Variants in ADAMTS17 observed in about 807,000 individuals in gnomAD.
The protein encoded by ADAMTS17 is A disintegrin and metalloproteinase with thrombospondin motifs 17.
Under a neutral mutation model 141.5 loss-of-function variants are expected in ADAMTS17, and 113 were observed. The ratio of observed to expected loss-of-function variants is 0.80; its 90% CI spans 0.69 to 0.93. ADAMTS17 has a LOEUF of 0.93. Ranked by LOEUF, ADAMTS17 falls within the 40% of genes least tolerant of loss-of-function variation. ADAMTS17 has a pLI of 0.00. For missense variants in ADAMTS17, 1,659 were observed against 1,517.9 expected, an observed-to-expected ratio of 1.09 and a Z score of -1.54; for synonymous variants, 768 against 630.6, an observed-to-expected ratio of 1.22 and a Z score of -3.27.
intron 15 of ADAMTS17, among the ~76,000 whole-genome samples, chr15:100,065,314 T>C (rs1211523606): frequency 6.6e-6 from 1 of 152,200 alleles, no homozygotes; most frequent in Admixed American, 6.5e-5. Context: ...TAATTAGTTT[T>C]GCTAGGTAAT....
At position 100,049,094 on chromosome 15, in the gene ADAMTS17, C is replaced by T. The variant is rs73472491; in HGVS notation, c.2456-102G>A. The T allele has an allele frequency of 1.2e-3, 1,905 of 1,564,920 alleles. 32 individuals carry two copies. The African/African-American group carries it at 0.023, about 19-fold the overall frequency. On this transcript the variant is annotated intron_variant, in intron 17 of 21. Transcript: ENST00000268070. ...AGCATGTTTGGGTGCTGCTGATGGT[C>T]ACTTGGTCATTTAAAGTGACTGCTG...
intron 18 of ADAMTS17, 62 bp downstream of exon 18, chr15:100,048,795 C>A: frequency 1.2e-6 from 2 of 1,612,200 alleles, no homozygotes; most frequent in African/African-American, 1.3e-5. Flanking sequence ...TCACTCCCCA[C>A]CACTGATGGT....
chr15:100,119,133 C>G lies in ADAMTS17; in HGVS notation c.1722-2120G>C, dbSNP rs527542142. ...AGCCACCAGAAGCTGAGAGAGAGGCCTGGAACAGATTCTCCCTCACAGTGC... is the reference window on the plus strand; with the variant it reads ...AGCCACCAGAAGCTGAGAGAGAGGCGTGGAACAGATTCTCCCTCACAGTGC... On this transcript the variant is annotated intron_variant, in intron 12 of 21. Coordinates refer to ENST00000268070, the MANE Select transcript of ADAMTS17 (RefSeq NM_139057.4). Among the ~76,000 whole-genome samples the G allele has an allele frequency of 1.1e-4, 17 of 152,070 alleles. No individual in the cohort carries two copies. The South Asian group carries it at 2.9e-3, about 26-fold the overall frequency.
intron 3 of ADAMTS17, among the ~76,000 whole-genome samples, chr15:100,282,472 G>A (rs7180917): frequency 0.51 from 77,418 of 152,070 alleles, 20,144 homozygotes; most frequent in South Asian, 0.65. Flanking sequence ...TACCTACGAT[G>A]ACGTGTCATT....
intron 10 of ADAMTS17, among the ~76,000 whole-genome samples, chr15:100,142,255 C>A (rs983656547): frequency 3.3e-5 from 5 of 152,178 alleles, no homozygotes; most frequent in Non-Finnish European, 7.3e-5. Context: ...ATCTCTCTAG[C>A]CATCAGATGC....
intron 7 of ADAMTS17, among the ~76,000 whole-genome samples, chr15:100,241,394 T>G (rs2042823002): frequency 6.6e-6 from 1 of 152,340 alleles, no homozygotes; most frequent in African/African-American, 2.4e-5. Flanking sequence ...CTTCAACGCT[T>G]TGAGACCTCG....
chr15:100,274,874 AGTT>A (rs1354576832), intron 4 of ADAMTS17, among the ~76,000 whole-genome samples: 1 of 151,956 alleles, frequency 6.6e-6, no homozygotes, highest in Non-Finnish European at 1.5e-5. Flanking sequence ...TGTATTCTCT[AGTT>A]ATTTTCTTTG....
chr15:100,067,646 T>C (rs1472591621), intron 15 of ADAMTS17, among the ~76,000 whole-genome samples: 1 of 152,220 alleles, frequency 6.6e-6, no homozygotes, highest in Non-Finnish European at 1.5e-5. Context: ...AGCACTTATC[T>C]TTTATTTACC....
At chr15:100,001,552 G>A (rs1460423297) in intron 18 of ADAMTS17, among the ~76,000 whole-genome samples, 2 of 152,136 alleles carry the variant, frequency 1.3e-5, no homozygotes, top group African/African-American at 4.8e-5. Flanking sequence ...GTCAGGGTAG[G>A]TCCCTCAGCG....
intron 3 of ADAMTS17, among the ~76,000 whole-genome samples, chr15:100,294,474 C>T (rs1377602907): frequency 6.6e-6 from 1 of 152,064 alleles, no homozygotes; most frequent in Non-Finnish European, 1.5e-5. Flanking sequence ...GTGGCTCATA[C>T]CTGTAACCCC....
intron 6 of ADAMTS17, among the ~76,000 whole-genome samples, chr15:100,259,501 A>G (rs1346700109): frequency 1.3e-5 from 2 of 152,228 alleles, no homozygotes; most frequent in Non-Finnish European, 2.9e-5. Context: ...TGGAGTGGGC[A>G]AGTCCAGGTC....
At chr15:100,070,781 G>C (rs543494876) in intron 15 of ADAMTS17, among the ~76,000 whole-genome samples, 1 of 149,358 alleles carries the variant, frequency 6.7e-6, no homozygotes, top group African/African-American at 2.5e-5. Context: ...ATGCCCACAA[G>C]AGAAAGCAGG....
At chr15:100,277,274 G>T (rs1211554488) in intron 4 of ADAMTS17, among the ~76,000 whole-genome samples, 1 of 151,990 alleles carries the variant, frequency 6.6e-6, no homozygotes, top group Non-Finnish European at 1.5e-5. Flanking sequence ...AGCAGCTGAA[G>T]AGGGGTGCAG....
chr15:100,197,520 T>C (rs947614987), intron 8 of ADAMTS17, among the ~76,000 whole-genome samples: 1 of 152,144 alleles, frequency 6.6e-6, no homozygotes, highest in Non-Finnish European at 1.5e-5. Flanking sequence ...AACTCAGAGG[T>C]ATTAATACAA....
chr15:100,213,630 A>G (rs1280594237), intron 7 of ADAMTS17, among the ~76,000 whole-genome samples: 4 of 152,246 alleles, frequency 2.6e-5, no homozygotes, highest in African/African-American at 4.8e-5. Flanking sequence ...CAGGAGAATC[A>G]TTTTAAAATG....
Position 100,110,150 on chromosome 15 carries a change from G to T in ADAMTS17, c.1889-1034C>A, listed in dbSNP as rs370626223. On this transcript the variant is annotated intron_variant, in intron 13 of 21. Transcript: ENST00000268070. ...GTCCCCACAGTGGGCCCAGGACCTG[G>T]CTCACAGAAAGACTCAGTATATATA... 9.9e-4 allele frequency among the ~76,000 whole-genome samples: 130 copies of T among 131,186 alleles called. 2 individuals are homozygous for T. Among genetic ancestry groups the T allele is most frequent in the African/African-American group, 4.2e-3 (122 of 28,956 alleles). The allele number at this position is 131,186 out of a possible 152,430, so 86.1% of individuals were successfully genotyped here. A position where few individuals can be genotyped will look rare whatever the true frequency, so the allele number is the denominator to read the frequency against.
chr15:100,253,683 T>C (rs1003068991), intron 7 of ADAMTS17, among the ~76,000 whole-genome samples: 1 of 152,084 alleles, frequency 6.6e-6, no homozygotes, highest in Admixed American at 6.5e-5. Context: ...TGGAAGAGAT[T>C]GCATGTCTTA....
In ADAMTS17 at chr15:100,294,037, A is replaced by C. The variant is rs546329185; in HGVS notation, c.617-12636T>G. On this transcript the variant is annotated intron_variant, in intron 3 of 21. Transcript: ENST00000268070. Reference sequence around the variant, plus strand: ...TGACAGTGGGTGAGTTTCCTTGTCTATAAGGCAAGATGATAATCGTTCTGC... The same window carrying C: ...TGACAGTGGGTGAGTTTCCTTGTCTCTAAGGCAAGATGATAATCGTTCTGC... 6.6e-5 allele frequency among the ~76,000 whole-genome samples: 10 copies of C among 152,256 alleles called. No individual in the cohort carries two copies. The East Asian group carries it at 1.7e-3, about 26-fold the overall frequency.
At chr15:100,267,053 T>TAA (rs1360853416) in intron 4 of ADAMTS17, among the ~76,000 whole-genome samples, 1 of 152,186 alleles carries the variant, frequency 6.6e-6, no homozygotes, top group African/African-American at 2.4e-5. Flanking sequence ...ACCGTGTACT[T>TAA]ACCTGTAGTG....
Sources: allele counts gnomAD v4.1 joint callset (sites outside exome capture counted in the v4.1 genomes callset), GRCh38; gene constraint gnomAD v4.1.1; transcripts MANE v1.5; gene names NCBI Gene and HGNC (gene_info 2026-07-23, HGNC 2026-07-21).